The following SPTAN1 variants were observed in gnomAD, a reference collection of about 807,000 sequenced individuals.
SPTAN1 encodes spectrin alpha, non-erythrocytic 1.
Under a neutral mutation model 331.3 loss-of-function variants are expected in SPTAN1, and 61 were observed. The observed-to-expected ratio is 0.18, with a 90% CI of 0.15 to 0.23. The LOEUF is 0.23. Among genes scored for constraint, SPTAN1 ranks in the 10% least tolerant of loss-of-function variants. The pLI, the probability that SPTAN1 is intolerant of heterozygous loss-of-function variation, is 1.00. For missense variants in SPTAN1, 2,043 were observed against 3,147.9 expected (o/e 0.65, Z 8.40); for synonymous variants, 1,153 against 1,173.9 (o/e 0.98, Z 0.36).
Position 128,566,834 on chromosome 9 carries a change from C to T in SPTAN1, c.94C>T (p.Leu32Phe). ...VLDRYHRFKE[L>F]STLRRQKLED... ...AGACCGATACCACCGCTTCAAGGAA[C>T]TCTCAACCCTTAGGCGTCAGAAGCT... Residue 32 changes from leucine (L) to phenylalanine (F), a missense_variant, in exon 2 of 57, where the codon CTC becomes TTC. Transcript: ENST00000372739. The T allele has an allele frequency of 6.2e-7, 1 of 1,614,218 alleles. No individual in the cohort carries two copies. Among genetic ancestry groups the T allele is most frequent in the Non-Finnish European group, 8.5e-7 (1 of 1,180,040 alleles).
intron 1 of SPTAN1, among the ~76,000 whole-genome samples, chr9:128,555,090 A>C (rs1403283329): frequency 1.3e-5 from 2 of 152,204 alleles, no homozygotes; most frequent in Non-Finnish European, 2.9e-5. Context: ...TTGAGGCCCC[A>C]AGGAGAATGA....
chr9:128,556,408 A>T (rs1848646368), intron 1 of SPTAN1, among the ~76,000 whole-genome samples: 1 of 152,192 alleles, frequency 6.6e-6, no homozygotes, highest in East Asian at 1.9e-4. Context: ...TATAAATCAG[A>T]TGAGTTATTT....
At chr9:128,598,622 T>TA in intron 25 of SPTAN1, 118 bp downstream of exon 25, 1 of 900,536 alleles carries the variant, frequency 1.1e-6, no homozygotes. Context: ...GGCTTGGCTG[T>TA]AGGTCAGGTC....
In SPTAN1 at chr9:128,581,053, G is replaced by A; in HGVS notation, c.1455G>A (p.Lys485=). 6.2e-7 allele frequency: 1 copy of A among 1,614,058 alleles called. No homozygotes were observed. The highest frequency in any genetic ancestry group is 8.5e-7 in the Non-Finnish European group (1 of 1,180,046). The stretch of plus-strand genomic sequence containing the variant: ...AGCAGGTGGACAACTGGATGAGCAA[G>A]CAGGAGGTAATCTGTGAGCAAAGCC... ...DTEQVDNWMS[K]QEAFLLNEDL... The change falls in exon 11 of 57, where the codon AAG becomes AAA. Residue 485 remains lysine, a synonymous_variant. Coordinates refer to ENST00000372739, the MANE Select transcript of SPTAN1 (RefSeq NM_001130438.3).
chr9:128,624,533 C>T (rs1162280215), intron 46 of SPTAN1, 46 bp downstream of exon 46: 1 of 1,604,360 alleles, frequency 6.2e-7, no homozygotes, highest in Non-Finnish European at 8.5e-7. Flanking sequence ...CAGAGCTGCT[C>T]TTTGTCTCCT....
Position 128,627,699 on chromosome 9 carries a change from C to A in SPTAN1, c.6689+201C>A. Reference sequence around the variant, plus strand: ...GGAGCAGCCTCTCAGTGCTGCATGTCCCAGACATCAAGTTGTTAGAGATCC... The same window carrying A: ...GGAGCAGCCTCTCAGTGCTGCATGTACCAGACATCAAGTTGTTAGAGATCC... On this transcript the variant is annotated intron_variant, in intron 50 of 56. Coordinates refer to ENST00000372739, the MANE Select transcript of SPTAN1 (RefSeq NM_001130438.3). This position sits in a 1 kb window ranked among gnomAD's most constrained non-coding sequence, Gnocchi z 4.9. 5.1e-6 allele frequency: 4 copies of A among 784,826 alleles called. No individual in the cohort carries two copies. The South Asian group carries it at 6.0e-5, about 12-fold the overall frequency. 48.6% of individuals were successfully genotyped at this position (784,826 alleles called of 1,614,324 possible).
chr9:128,585,926 G>A lies in SPTAN1; in HGVS notation c.2739G>A (p.Val913=). The change falls in exon 19 of 57, where the codon GTG becomes GTA. Residue 913 remains valine, a synonymous_variant. Coordinates refer to ENST00000372739, the MANE Select transcript of SPTAN1 (RefSeq NM_001130438.3). ...GGATGCGGGAGAAGGAACCCATTGT[G>A]GGCAGCACTGACTATGGCAAGGACG... ...ESWMREKEPI[V]GSTDYGKDED... The A allele has an allele frequency of 6.2e-7, 1 of 1,613,198 alleles. No homozygotes were observed. The highest frequency in any genetic ancestry group is 8.5e-7 in the Non-Finnish European group (1 of 1,180,030).
At chr9:128,630,464 A>C (rs2132049045) in intron 52 of SPTAN1, 89 bp downstream of exon 52, 1 of 1,304,798 alleles carries the variant, frequency 7.7e-7, no homozygotes, top group Non-Finnish European at 1.1e-6. Context: ...TAAAGTCAGG[A>C]ACCAGATGTG....
intron 24 of SPTAN1, among the ~76,000 whole-genome samples, chr9:128,594,804 C>CTTTTTTTTTTTTTTTTTTTTTTATT (rs10594067): frequency 1.1e-4 from 10 of 90,560 alleles, no homozygotes; most frequent in Non-Finnish European, 2.0e-4. Context: ...ATGTATGTAG[C>CTTTTTTTTTTTTTTTTTTTTTTATT]TTTTTTTTTT....
chr9:128,579,909 T>G (rs1278079926), intron 10 of SPTAN1, among the ~76,000 whole-genome samples, 171 bp downstream of exon 10: 1 of 152,232 alleles, frequency 6.6e-6, no homozygotes, highest in Non-Finnish European at 1.5e-5. Context: ...TGTGCTGATT[T>G]CCTGAGAGAC....
intron 40 of SPTAN1, among the ~76,000 whole-genome samples, chr9:128,614,291 C>T (rs1856879763): frequency 6.6e-6 from 1 of 151,688 alleles, no homozygotes; most frequent in African/African-American, 2.4e-5. Flanking sequence ...TCTGTCTGTA[C>T]AAAAAAATAC....
rs767815914 is a variant in SPTAN1, at chr9:128,584,500, G to C, written c.2412G>C (p.Glu804Asp). Residue 804 changes from glutamate to aspartate, a missense_variant, in exon 17 of 57, where the codon GAG becomes GAC. Around this residue, in one of 12 missense-constraint regions of SPTAN1, gnomAD observed 1,038 missense variants for 1,531.5 expected, o/e 0.68. Transcript: ENST00000372739. The stretch of plus-strand genomic sequence containing the variant: ...AGGAGACGTGGATTCGAGAGAAAGA[G>C]CCCATTGCCGCATCTACCAACAGAG... ...EDEETWIREK[E>D]PIAASTNRGK... 1.9e-6 allele frequency: 3 copies of C among 1,614,170 alleles called. No homozygotes were observed. Among genetic ancestry groups the C allele is most frequent in the Non-Finnish European group, 2.5e-6 (3 of 1,180,040 alleles).
chr9:128,592,903 C>A, intron 22 of SPTAN1, 80 bp from the exon 23 acceptor site: 1 of 1,322,790 alleles, frequency 7.6e-7, no homozygotes, highest in Non-Finnish European at 1.1e-6. Context: ...ATCATGGCAC[C>A]AGTCGGAGCT....
chr9:128,581,177 T>A, intron 11 of SPTAN1, 118 bp downstream of exon 11: 1 of 1,379,116 alleles, frequency 7.3e-7, no homozygotes, highest in Non-Finnish European at 1.0e-6. Flanking sequence ...CTGAATCCAT[T>A]GAAGAGGGGG....
intron 1 of SPTAN1, among the ~76,000 whole-genome samples, chr9:128,556,036 A>G (rs774611049): frequency 1.3e-5 from 2 of 152,100 alleles, no homozygotes; most frequent in Non-Finnish European, 2.9e-5. Context: ...CCTGGCCAAC[A>G]TAGTGAAACC....
chr9:128,628,612 G>C (rs1033584176), intron 51 of SPTAN1: 1 of 196,622 alleles, frequency 5.1e-6, no homozygotes. Flanking sequence ...CTGCCTGGCC[G>C]GGTCACCTTT....
intron 31 of SPTAN1, among the ~76,000 whole-genome samples, chr9:128,606,564 A>G (rs1226748388): frequency 6.8e-6 from 1 of 147,542 alleles, no homozygotes; most frequent in Non-Finnish European, 1.5e-5. Context: ...GCTCACCGCA[A>G]CCTCCGCCTC....
chr9:128,554,464 A>AT (rs1460971967), intron 1 of SPTAN1, among the ~76,000 whole-genome samples: 1 of 152,042 alleles, frequency 6.6e-6, no homozygotes, highest in Admixed American at 6.6e-5. Flanking sequence ...CTGGGTTAGA[A>AT]TTTTTTCTGC....
chr9:128,583,061 C>G lies in SPTAN1; in HGVS notation c.1807-16C>G, dbSNP rs769519842. ...TCAGGTTCAAGATAGAAAGAACCCCCTTCTTTTATTCACAGGATCCATCCA... is the reference window on the plus strand; with the variant it reads ...TCAGGTTCAAGATAGAAAGAACCCCGTTCTTTTATTCACAGGATCCATCCA... On this transcript the variant is annotated splice_polypyrimidine_tract_variant and intron_variant, in intron 14 of 56. Transcript: ENST00000372739. 2 of 1,612,864 alleles carry G rather than the reference C, an allele frequency of 1.2e-6. No homozygotes were observed. Among genetic ancestry groups the G allele is most frequent in the Admixed American group, 3.3e-5 (2 of 60,014 alleles).
Sources: gnomAD v4.1 joint callset for allele counts (sites outside exome capture counted in the v4.1 genomes callset) on GRCh38, gnomAD v4.1.1 for gene constraint, gnomAD v4.1.1 regional missense constraint, Gnocchi (gnomAD v3.1) non-coding constraint, MANE v1.5 for transcripts, NCBI Gene and HGNC (gene_info 2026-07-23, HGNC 2026-07-21) for gene names.